ADARB2: variants seen among roughly 807,000 people sequenced by gnomAD.
ADARB2 encodes the protein inactive double-stranded RNA-specific editase B2.
A neutral mutation model predicts 62.2 loss-of-function variants in ADARB2; 25 were observed. The observed-to-expected ratio is 0.40, with a 90% confidence interval of 0.29 to 0.56. ADARB2 has a LOEUF of 0.56. Among genes scored for constraint, ADARB2 ranks in the 20% least tolerant of loss-of-function variants. The pLI is 0.43. For synonymous variants in ADARB2, 572 were observed against 500.8 expected, an observed-to-expected ratio of 1.14 and a Z score of -1.90; for missense variants, 1,071 against 1,077.4, an observed-to-expected ratio of 0.99 and a Z score of 0.08.
At chr10:1,553,335 ACT>A (rs1467753060) in intron 1 of ADARB2, among the ~76,000 whole-genome samples, 5 of 151,978 alleles carry the variant, frequency 3.3e-5, no homozygotes, top group Admixed American at 1.3e-4. Context: ...TCAAGTTCAA[ACT>A]CTTCTGGCAC....
In ADARB2 at chr10:1,188,781, A is replaced by G. The variant is rs146293181; in HGVS notation, c.1865-3742T>C. ...ATCCCTGGAGTCTAATGTGCAGAGA[A>G]ACGGATGCTCATGGATGCTCATGTC... On this transcript the variant is annotated intron_variant, in intron 8 of 9. Coordinates refer to ENST00000381312, the MANE Select transcript of ADARB2 (RefSeq NM_018702.4). Among the ~76,000 whole-genome samples, 319 of 152,328 alleles carry G rather than the reference A, an allele frequency of 2.1e-3. 1 individual carries two copies. Among genetic ancestry groups the G allele is most frequent in the African/African-American group, 6.6e-3 (275 of 41,578 alleles).
intron 4 of ADARB2, among the ~76,000 whole-genome samples, chr10:1,260,397 A>C (rs918266806): frequency 1.3e-5 from 2 of 151,956 alleles, no homozygotes; most frequent in African/African-American, 4.8e-5. Context: ...GTATATCTAG[A>C]AAACCCCATT....
At chr10:1,240,813 G>C (rs763118387) in intron 5 of ADARB2, among the ~76,000 whole-genome samples, 3 of 152,216 alleles carry the variant, frequency 2.0e-5, no homozygotes, top group African/African-American at 4.8e-5. Context: ...AGGGATCTTG[G>C]TGATAGTCCC....
chr10:1,209,473 C>CATCACCCA (rs1837116792), intron 7 of ADARB2, among the ~76,000 whole-genome samples: 1 of 138,610 alleles, frequency 7.2e-6, no homozygotes, highest in African/African-American at 3.2e-5. Flanking sequence ...TCACCCACAC[C>CATCACCCA]CATGCCCATG....
At chr10:1,326,208 G>C (rs1831843232) in intron 3 of ADARB2, among the ~76,000 whole-genome samples, 1 of 152,190 alleles carries the variant, frequency 6.6e-6, no homozygotes, top group Admixed American at 6.5e-5. Flanking sequence ...CAGCTTTACT[G>C]TGCTGCTAGG....
Position 1,398,723 on chromosome 10 carries a change from G to C in ADARB2, c.101-19563C>G, listed in dbSNP as rs900658052. Among the ~76,000 whole-genome samples, 5 of 152,170 alleles carry C rather than the reference G, an allele frequency of 3.3e-5. No individual in the cohort carries two copies. The highest frequency in any genetic ancestry group is 1.2e-4 in the African/African-American group (5 of 41,438). On this transcript the variant is annotated intron_variant, in intron 1 of 9. Transcript: ENST00000381312. The surrounding 1 kb of genome is among the most constrained non-coding windows in gnomAD (Gnocchi z 4.1). ...CAGCATAGATGGAGAAGAGACTTTC[G>C]TGCCTCTGACCCTCAAATTACCCAG...
At chr10:1,734,669 C>T (rs1311825050) in intron 1 of ADARB2, among the ~76,000 whole-genome samples, 1 of 152,204 alleles carries the variant, frequency 6.6e-6, no homozygotes, top group African/African-American at 2.4e-5. Context: ...TTTATTCCCC[C>T]ATAAGAACAG....
chr10:1,494,443 A>C (rs1207514000), intron 1 of ADARB2, among the ~76,000 whole-genome samples: 2 of 152,210 alleles, frequency 1.3e-5, no homozygotes, highest in Admixed American at 6.5e-5. Context: ...AAGCCATAAT[A>C]ATAACACCAC....
chr10:1,300,859 CAA>C lies in ADARB2; in HGVS notation c.1078-29792_1078-29791del, dbSNP rs1347495602. Among the ~76,000 whole-genome samples, 7 of 152,228 alleles carry C rather than the reference CAA, an allele frequency of 4.6e-5. 1 individual carries two copies. In the South Asian group the frequency reaches 1.5e-3, roughly 32 times the overall value. ...TTTCACCTTGATGTGGTCACTATGC[CAA>C]AAGAGAGGACATGTAGGCCAAGGTG... is the stretch of plus-strand genomic sequence containing the variant. On this transcript the variant is annotated intron_variant, in intron 3 of 9. Coordinates refer to ENST00000381312, the MANE Select transcript of ADARB2 (RefSeq NM_018702.4).
At chr10:1,688,852 G>A (rs1041014462) in intron 1 of ADARB2, among the ~76,000 whole-genome samples, 3 of 152,174 alleles carry the variant, frequency 2.0e-5, no homozygotes, top group African/African-American at 7.2e-5. Context: ...TACCTAAGCT[G>A]AGAGACAGAG....
chr10:1,210,582 G>A (rs75450919), intron 7 of ADARB2, among the ~76,000 whole-genome samples: 3,599 of 152,332 alleles, frequency 0.024, 59 homozygotes, highest in Non-Finnish European at 0.036. Flanking sequence ...TGCGTGGCAC[G>A]TCAGAAGCCT....
rs188606517 is a variant in ADARB2 at position 1,622,137 on chromosome 10, T to C, written c.100+114914A>G. 4.0e-3 allele frequency among the ~76,000 whole-genome samples: 602 copies of C among 152,314 alleles called. 6 individuals carry two copies. The highest frequency in any genetic ancestry group is 0.014 in the African/African-American group (574 of 41,574). On this transcript the variant is annotated intron_variant, in intron 1 of 9. Coordinates refer to ENST00000381312, the MANE Select transcript of ADARB2 (RefSeq NM_018702.4). ...TCAAGAAATGGTTCTGGTTCTACTG[T>C]ATACTCACATTCAAAGAAATGAATA...
chr10:1,330,949 A>C (rs58007136), intron 3 of ADARB2, among the ~76,000 whole-genome samples: 24,000 of 152,178 alleles, frequency 0.16, 2,280 homozygotes, highest in East Asian at 0.3. Context: ...AGTAGGCCCA[A>C]ATAAAAATAG....
At chr10:1,727,695 A>G (rs1014492794) in intron 1 of ADARB2, among the ~76,000 whole-genome samples, 1 of 152,140 alleles carries the variant, frequency 6.6e-6, no homozygotes, top group Non-Finnish European at 1.5e-5. Context: ...ATTTATATAT[A>G]TATATAGTGT....
At chr10:1,574,854 T>C (rs1832988619) in intron 1 of ADARB2, among the ~76,000 whole-genome samples, 1 of 152,106 alleles carries the variant, frequency 6.6e-6, no homozygotes, top group Non-Finnish European at 1.5e-5. Context: ...TTACCTGACA[T>C]AAGGCAGGAG....
chr10:1,615,012 G>A (rs761886558), intron 1 of ADARB2, among the ~76,000 whole-genome samples: 1 of 152,154 alleles, frequency 6.6e-6, no homozygotes, highest in Non-Finnish European at 1.5e-5. Flanking sequence ...AGGAGCTCAT[G>A]GGCCCTGGGT....
At chr10:1,309,397 G>C (rs1338057672) in intron 3 of ADARB2, among the ~76,000 whole-genome samples, 1 of 152,198 alleles carries the variant, frequency 6.6e-6, no homozygotes, top group African/African-American at 2.4e-5. Flanking sequence ...TTTCAGCCGG[G>C]CATGCACTGG....
chr10:1,486,548 A>G (rs78907244), intron 1 of ADARB2, among the ~76,000 whole-genome samples: 3,828 of 152,266 alleles, frequency 0.025, 174 homozygotes, highest in African/African-American at 0.086. Flanking sequence ...CTTTGGCTGT[A>G]TATTAAGCAG....
chr10:1,485,152 G>A (rs60002347), intron 1 of ADARB2, among the ~76,000 whole-genome samples: 8,814 of 152,038 alleles, frequency 0.058, 762 homozygotes, highest in African/African-American at 0.18. Context: ...ATTAGTAGGT[G>A]CATTTGTAGG....
Sources: allele counts gnomAD v4.1 joint callset (sites outside exome capture counted in the v4.1 genomes callset), GRCh38; gene constraint gnomAD v4.1.1; non-coding constraint Gnocchi (gnomAD v3.1); transcripts MANE v1.5; gene names NCBI Gene and HGNC (gene_info 2026-07-23, HGNC 2026-07-21).